Variants in SLC35F4 observed in about 807,000 individuals in gnomAD.
SLC35F4 encodes chromosome 14 open reading frame 36.
SLC35F4 carries 24 observed loss-of-function variants against 44.2 expected under a neutral mutation model. The observed-to-expected ratio is 0.54, with a 90% CI of 0.39 to 0.76. The LOEUF is 0.76. Ranked by LOEUF, SLC35F4 falls within the 30% of genes least tolerant of loss-of-function variation. The pLI, the probability that SLC35F4 is intolerant of heterozygous loss-of-function variation, is 0.00. For missense variants in SLC35F4, 562 were observed against 586.1 expected, an observed-to-expected ratio of 0.96 and a Z score of 0.42; for synonymous variants, 238 against 223.6, an observed-to-expected ratio of 1.06 and a Z score of -0.57.
rs113957685 is a variant in SLC35F4, at chr14:57,801,963, C to T, written c.103+63760G>A. 5.0e-3 allele frequency among the ~76,000 whole-genome samples: 762 copies of T among 152,282 alleles called. 3 individuals carry two copies. Among genetic ancestry groups the T allele is most frequent in the Non-Finnish European group, 9.4e-3 (642 of 68,020 alleles). ...AAAAATATCCAGGACCTAAACTCAGCTGTGGATCAAGTGGACCCAATAGAT... is the reference window on the plus strand; with the variant it reads ...AAAAATATCCAGGACCTAAACTCAGTTGTGGATCAAGTGGACCCAATAGAT... On this transcript the variant is annotated intron_variant, in intron 1 of 7. Transcript: ENST00000556826.
chr14:57,903,851 CCTT>C (rs1740605625), intron 1 of SLC35F4, among the ~76,000 whole-genome samples: 1 of 152,204 alleles, frequency 6.6e-6, no homozygotes, highest in South Asian at 2.1e-4. Flanking sequence ...TTTCCACAGG[CCTT>C]CTTATGACCC....
chr14:57,723,385 T>G (rs895808030), intron 1 of SLC35F4, among the ~76,000 whole-genome samples: 5 of 152,244 alleles, frequency 3.3e-5, no homozygotes, highest in African/African-American at 1.2e-4. Context: ...CTGGAGGGAC[T>G]GTGGAGATTA....
At chr14:57,594,699 G>A (rs114876927) in intron 1 of SLC35F4, among the ~76,000 whole-genome samples, 193 of 152,270 alleles carry the variant, frequency 1.3e-3, no homozygotes, top group African/African-American at 4.4e-3. Context: ...TCTTCCTAAG[G>A]CTGTCGATTT....
In SLC35F4 at chr14:57,844,865, G is replaced by A. The variant is rs202242719; in HGVS notation, c.103+20858C>T. Among the ~76,000 whole-genome samples the A allele has an allele frequency of 3.9e-4, 59 of 152,128 alleles. No individual in the cohort carries two copies. The East Asian group carries it at 0.01, about 26-fold the overall frequency. The stretch of plus-strand genomic sequence containing the variant: ...AACTGTAAGATTCCAGACACCAACT[G>A]GACCTTTGTTACTAGTAGAGGGGTC... On this transcript the variant is annotated intron_variant, in intron 1 of 7. Transcript: ENST00000556826.
intron 1 of SLC35F4, among the ~76,000 whole-genome samples, chr14:57,749,543 C>G (rs577208248): frequency 6.6e-6 from 1 of 152,194 alleles, no homozygotes; most frequent in East Asian, 1.9e-4. Flanking sequence ...ATGGGTCTTT[C>G]CCTACAGATA....
intron 1 of SLC35F4, among the ~76,000 whole-genome samples, chr14:57,884,582 G>A (rs552418443): frequency 7.2e-5 from 11 of 152,184 alleles, no homozygotes; most frequent in African/African-American, 2.6e-4. Context: ...AGCTTCTAAT[G>A]TATTACACAC....
rs535341576 is a variant in SLC35F4 at position 57,738,860 on chromosome 14, A to G, written c.103+126863T>C. Reference sequence around the variant, plus strand: ...TACTGTATATATATATGAAATTTAAACATTATGAGATATATATATATCTCC... The same window carrying G: ...TACTGTATATATATATGAAATTTAAGCATTATGAGATATATATATATCTCC... On this transcript the variant is annotated intron_variant, in intron 1 of 7. Coordinates refer to ENST00000556826, the MANE Select transcript of SLC35F4 (RefSeq NM_001306087.2). 7.4e-5 allele frequency among the ~76,000 whole-genome samples: 11 copies of G among 148,586 alleles called. No homozygotes were observed. In the East Asian group the frequency reaches 2.2e-3, roughly 29 times the overall value.
chr14:57,818,258 C>T (rs1420659419), intron 1 of SLC35F4, among the ~76,000 whole-genome samples: 1 of 152,130 alleles, frequency 6.6e-6, no homozygotes. Context: ...GGATTGAGCC[C>T]TGTCAGCATT....
chr14:57,746,282 A>C (rs1594947144), intron 1 of SLC35F4, among the ~76,000 whole-genome samples: 1 of 152,134 alleles, frequency 6.6e-6, no homozygotes, highest in African/African-American at 2.4e-5. Flanking sequence ...TATGATGTTA[A>C]CTGTAGTGTT....
upstream of SLC35F4, among the ~76,000 whole-genome samples, chr14:57,982,492 C>T (rs186850166): frequency 1.1e-4 from 17 of 152,162 alleles, no homozygotes; most frequent in Admixed American, 9.8e-4. Context: ...TTGTTCTATG[C>T]TGCCTCTGAT....
chr14:57,862,888 T>C (rs558522477), intron 1 of SLC35F4, among the ~76,000 whole-genome samples: 7 of 152,362 alleles, frequency 4.6e-5, no homozygotes, highest in African/African-American at 1.2e-4. Context: ...AGAACTTAAG[T>C]TCTTAAAAGG....
chr14:57,944,826 GA>G (rs777637567), intron 1 of SLC35F4, among the ~76,000 whole-genome samples: 2 of 152,050 alleles, frequency 1.3e-5, no homozygotes, highest in Non-Finnish European at 2.9e-5. Flanking sequence ...ACAGAGCCAG[GA>G]AGGCCATGAG....
chr14:57,715,134 T>A (rs2075907867), intron 1 of SLC35F4, among the ~76,000 whole-genome samples: 1 of 152,062 alleles, frequency 6.6e-6, no homozygotes, highest in South Asian at 2.1e-4. Context: ...GGGAACTGAA[T>A]GTCTAGATAA....
At chr14:57,640,594 T>C (rs1305125871) in intron 1 of SLC35F4, among the ~76,000 whole-genome samples, 2 of 152,026 alleles carry the variant, frequency 1.3e-5, no homozygotes, top group Non-Finnish European at 2.9e-5. Context: ...TATTTGTTCC[T>C]TATTCAATGA....
chr14:57,589,333 T>C lies in SLC35F4; in HGVS notation c.470A>G (p.Tyr157Cys), dbSNP rs374207803. 37 of 1,613,796 alleles carry C rather than the reference T, an allele frequency of 2.3e-5. No homozygotes were observed. The East Asian group carries it at 5.3e-4, about 23-fold the overall frequency. ...AAACCAAGTCATGAAAAATGGGCAATAGAAGTTCTTATAAGTAATTTTTAC... is the reference window on the plus strand; with the variant it reads ...AAACCAAGTCATGAAAAATGGGCAACAGAAGTTCTTATAAGTAATTTTTAC... ...QIVKITYKNF[Y>C]CPFFMTWFST... The change falls in exon 3 of 8, where the codon TAT (tyrosine) becomes TGT (cysteine). Residue 157 changes from tyrosine to cysteine, a missense_variant. By Grantham distance (194) the Tyr-to-Cys change is radical. Coordinates refer to ENST00000556826, the MANE Select transcript of SLC35F4 (RefSeq NM_001306087.2).
intron 1 of SLC35F4, among the ~76,000 whole-genome samples, chr14:57,688,185 AGAGAGAGACAGAGGTCAT>A (rs1455923561): frequency 6.6e-6 from 1 of 152,200 alleles, no homozygotes; most frequent in Admixed American, 6.5e-5. Context: ...AAAGCAAAAA[AGAGAGAGACAGAGGTCAT>A]GAGAGAGACA....
chr14:57,787,843 T>C (rs1282487585), intron 1 of SLC35F4, among the ~76,000 whole-genome samples: 2 of 151,894 alleles, frequency 1.3e-5, no homozygotes, highest in African/African-American at 2.4e-5. Context: ...AAAACAAAAA[T>C]ACAAGTTAAA....
intron 1 of SLC35F4, among the ~76,000 whole-genome samples, chr14:57,708,476 C>A (rs1352043498): frequency 6.6e-6 from 1 of 152,188 alleles, no homozygotes; most frequent in Non-Finnish European, 1.5e-5. Context: ...GTCTAGGTAG[C>A]AGACAAGGTG....
chr14:57,623,744 T>G (rs139355954), intron 1 of SLC35F4, among the ~76,000 whole-genome samples: 48 of 152,334 alleles, frequency 3.2e-4, no homozygotes, highest in African/African-American at 1.1e-3. Context: ...AGATGTTCTT[T>G]GAAACCAGTG....
Sources: allele counts gnomAD v4.1 joint callset (sites outside exome capture counted in the v4.1 genomes callset), GRCh38; gene constraint gnomAD v4.1.1; transcripts MANE v1.5; gene names NCBI Gene and HGNC (gene_info 2026-07-23, HGNC 2026-07-21).